The following FARP1 variants were observed in gnomAD, a reference collection of about 807,000 sequenced individuals.
FARP1 encodes FERM, ARHGEF and pleckstrin domain-containing protein 1.
A neutral mutation model predicts 128.8 loss-of-function variants in FARP1; 52 were observed. The observed-to-expected ratio is 0.40, with a 90% CI of 0.32 to 0.51. FARP1 has a LOEUF of 0.51. FARP1 is among the 20% of genes least tolerant of loss of function. The probability of loss-of-function intolerance (pLI) is 0.45; values close to 1 mark genes in which losing one functional copy is unlikely to be tolerated. For synonymous variants in FARP1, 580 were observed against 551.8 expected (o/e 1.05, Z -0.72); for missense variants, 1,333 against 1,367.9 (o/e 0.97, Z 0.40).
In FARP1 at chr13:98,320,781, C is replaced by T. The variant is rs187519297; in HGVS notation, c.172-22981C>T. 3.3e-3 allele frequency among the ~76,000 whole-genome samples: 509 copies of T among 152,280 alleles called. 5 individuals carry two copies. Among genetic ancestry groups the T allele is most frequent in the African/African-American group, 0.012 (479 of 41,554 alleles). ...CAAAAAGCCTCCCAAAGGTTGGGCCCTGTGGGTTGATATGAGCTGCCAGAC... is the reference window on the plus strand; with the variant it reads ...CAAAAAGCCTCCCAAAGGTTGGGCCTTGTGGGTTGATATGAGCTGCCAGAC... On this transcript the variant is annotated intron_variant, in intron 2 of 26. Coordinates refer to ENST00000319562, the MANE Select transcript of FARP1 (RefSeq NM_005766.4).
At position 98,176,898 on chromosome 13, in the gene FARP1, G is replaced by C; in HGVS notation, c.-24+33406G>C. 6.2e-7 allele frequency: 1 copy of C among 1,605,910 alleles called. No homozygotes were observed. Among genetic ancestry groups the C allele is most frequent in the Non-Finnish European group, 8.5e-7 (1 of 1,179,928 alleles). On this transcript the variant is annotated intron_variant, in intron 1 of 26. Coordinates refer to ENST00000319562, the MANE Select transcript of FARP1 (RefSeq NM_005766.4). The surrounding 1 kb of genome is among the most constrained non-coding windows in gnomAD (Gnocchi z 6.2). ...GCTCCTTCTCGGTGTCCTGCTCGAA[G>C]TCAGCGGTGGCCCCCATGTCCTCTG...
At chr13:98,364,445 G>A (rs188896678) in intron 3 of FARP1, among the ~76,000 whole-genome samples, 40 of 152,276 alleles carry the variant, frequency 2.6e-4, no homozygotes, top group African/African-American at 9.1e-4. Flanking sequence ...ACTCCTGAAC[G>A]TCAACAGTTT....
At chr13:98,152,635 G>A (rs1379620851) in intron 1 of FARP1, among the ~76,000 whole-genome samples, 1 of 152,142 alleles carries the variant, frequency 6.6e-6, no homozygotes, top group South Asian at 2.1e-4. Flanking sequence ...CTTTCTCGTC[G>A]TACTTGAGTT....
intron 3 of FARP1, among the ~76,000 whole-genome samples, chr13:98,356,143 G>T (rs890451137): frequency 1.3e-5 from 2 of 152,050 alleles, no homozygotes; most frequent in African/African-American, 4.8e-5. Context: ...TTTATTTTCT[G>T]CCTACATACT....
chr13:98,430,122 C>T (rs1363407733), intron 17 of FARP1, among the ~76,000 whole-genome samples: 1 of 151,880 alleles, frequency 6.6e-6, no homozygotes, highest in East Asian at 1.9e-4. Context: ...GGTGTGGTGG[C>T]TCAAGCCTGC....
Position 98,438,787 on chromosome 13 carries a change from G to A in FARP1, c.2275-17G>A, listed in dbSNP as rs751945830. ...CCGCACGCTCGCAGCCAGCCCTCCGGTCTGTCTCCCCTGCAGGAGTTCATC... is the reference window on the plus strand; with the variant it reads ...CCGCACGCTCGCAGCCAGCCCTCCGATCTGTCTCCCCTGCAGGAGTTCATC... On this transcript the variant is annotated splice_polypyrimidine_tract_variant and intron_variant, in intron 19 of 26. Coordinates refer to ENST00000319562, the MANE Select transcript of FARP1 (RefSeq NM_005766.4). 7.4e-6 allele frequency: 12 copies of A among 1,611,224 alleles called. No homozygotes were observed. The highest frequency in any genetic ancestry group is 1.0e-5 in the Non-Finnish European group (12 of 1,179,064).
intron 2 of FARP1, among the ~76,000 whole-genome samples, chr13:98,228,706 T>C (rs1438041675): frequency 6.6e-6 from 1 of 152,208 alleles, no homozygotes; most frequent in Non-Finnish European, 1.5e-5. Flanking sequence ...ATGGAACTTT[T>C]TTTTTCTGTT....
intron 19 of FARP1, among the ~76,000 whole-genome samples, chr13:98,436,450 G>A (rs1176265991): frequency 1.3e-5 from 2 of 152,126 alleles, no homozygotes; most frequent in Non-Finnish European, 2.9e-5. Flanking sequence ...ACCCTGTGGC[G>A]CCCCCATTTC....
chr13:98,445,095 T>G (rs1484654564), intron 24 of FARP1: 1 of 152,250 alleles, frequency 6.6e-6, no homozygotes, highest in Non-Finnish European at 1.5e-5. Context: ...CCTGAGCAAC[T>G]GGAGGGCAGG....
intron 5 of FARP1, among the ~76,000 whole-genome samples, chr13:98,372,483 C>G (rs939795595): frequency 2.6e-5 from 4 of 152,106 alleles, no homozygotes; most frequent in African/African-American, 4.8e-5. Context: ...GGCATCCCGT[C>G]TTCAGTTGGA....
chr13:98,406,227 T>C (rs1890966018), intron 13 of FARP1: 1 of 152,200 alleles, frequency 6.6e-6, no homozygotes, highest in Non-Finnish European at 1.5e-5. Flanking sequence ...TCAGCATATT[T>C]CATTAATTGC....
chr13:98,319,770 C>T (rs1886909885), intron 2 of FARP1, among the ~76,000 whole-genome samples: 1 of 152,058 alleles, frequency 6.6e-6, no homozygotes, highest in African/African-American at 2.4e-5. Flanking sequence ...TATAATCTGC[C>T]ATTCTAGTAG....
At chr13:98,271,244 C>G (rs148475703) in intron 2 of FARP1, among the ~76,000 whole-genome samples, 11 of 152,280 alleles carry the variant, frequency 7.2e-5, no homozygotes, top group African/African-American at 2.6e-4. Flanking sequence ...CTAATGAAAT[C>G]TAGAGTTTGG....
chr13:98,408,186 CTTAGG>C (rs1247859937), intron 13 of FARP1, among the ~76,000 whole-genome samples: 5 of 152,046 alleles, frequency 3.3e-5, no homozygotes. Flanking sequence ...GACAAAAACA[CTTAGG>C]TTAGAAGTAT....
chr13:98,277,232 A>G (rs1884705718), intron 2 of FARP1, among the ~76,000 whole-genome samples: 1 of 151,710 alleles, frequency 6.6e-6, no homozygotes, highest in Non-Finnish European at 1.5e-5. Flanking sequence ...AGCTCACTGT[A>G]ACTTTGAACT....
rs1566765752 is a variant in FARP1 at position 98,226,489 on chromosome 13, T to TG, written c.171+13077dup. ...TTAGGACTTCATCTTTTTTTTTTTTTGTGGAGGAGGGGAGATGTAGTTTAA... is the reference window on the plus strand; with the variant it reads ...TTAGGACTTCATCTTTTTTTTTTTTTGGTGGAGGAGGGGAGATGTAGTTTAA... On this transcript the variant is annotated intron_variant, in intron 2 of 26. Transcript: ENST00000319562. Among the ~76,000 whole-genome samples, 6 of 151,926 alleles carry TG rather than the reference T, an allele frequency of 3.9e-5. No homozygotes were observed. The South Asian group carries it at 1.2e-3, about 32-fold the overall frequency.
At chr13:98,324,569 T>C (rs1887150711) in intron 2 of FARP1, among the ~76,000 whole-genome samples, 1 of 152,106 alleles carries the variant, frequency 6.6e-6, no homozygotes, top group Non-Finnish European at 1.5e-5. Flanking sequence ...TTTTCTAATG[T>C]CTTCAGAAGA....
At chr13:98,386,023 C>T in intron 8 of FARP1, 1 of 548,300 alleles carries the variant, frequency 1.8e-6, no homozygotes, top group Non-Finnish European at 3.2e-6. Context: ...TTTGGGGAAT[C>T]CACATTACAG....
At chr13:98,250,595 C>T (rs1466825165) in intron 2 of FARP1, among the ~76,000 whole-genome samples, 1 of 151,932 alleles carries the variant, frequency 6.6e-6, no homozygotes, top group African/African-American at 2.4e-5. Context: ...GTGGCAGGTG[C>T]CTGTAATCCC....
Sources: gnomAD v4.1 joint callset for allele counts (sites outside exome capture counted in the v4.1 genomes callset) on GRCh38, gnomAD v4.1.1 for gene constraint, Gnocchi (gnomAD v3.1) non-coding constraint, MANE v1.5 for transcripts, NCBI Gene and HGNC (gene_info 2026-07-23, HGNC 2026-07-21) for gene names.